PTGFR: variants seen among roughly 807,000 people sequenced by gnomAD.
PTGFR encodes the protein prostaglandin F2-alpha receptor.
In PTGFR, 15 loss-of-function variants were observed where a neutral mutation model predicts 26.2. The ratio of observed to expected loss-of-function variants is 0.57; its 90% CI spans 0.38 to 0.88. PTGFR has a LOEUF of 0.88. Among genes scored for constraint, PTGFR ranks in the 40% least tolerant of loss-of-function variants. PTGFR has a pLI of 0.00. For synonymous variants in PTGFR, 165 were observed against 151.1 expected (o/e 1.09, Z -0.68); for missense variants, 369 against 427.2 (o/e 0.86, Z 1.20).
intron 2 of PTGFR, among the ~76,000 whole-genome samples, chr1:78,508,213 A>G (rs1409534509): frequency 6.6e-6 from 1 of 151,994 alleles, no homozygotes; most frequent in African/African-American, 2.4e-5. Flanking sequence ...GAGCTTCTTG[A>G]TTTATTATTC....
chr1:78,527,080 T>G (rs1239392427), intron 2 of PTGFR, among the ~76,000 whole-genome samples: 1 of 152,116 alleles, frequency 6.6e-6, no homozygotes, highest in African/African-American at 2.4e-5. Flanking sequence ...GCAAATATAA[T>G]ACATGCTACT....
At chr1:78,527,763 C>T (rs1650406817) in intron 2 of PTGFR, among the ~76,000 whole-genome samples, 3 of 152,130 alleles carry the variant, frequency 2.0e-5, no homozygotes, top group South Asian at 4.1e-4. Context: ...ATGTGCCCAG[C>T]ACAGAGAGAA....
chr1:78,494,850 C>T (rs1043109572), intron 2 of PTGFR, among the ~76,000 whole-genome samples: 2 of 152,116 alleles, frequency 1.3e-5, no homozygotes. Context: ...GTAATCCTTC[C>T]GCCTCGGCCT....
At chr1:78,498,856 G>A (rs1268462879) in intron 2 of PTGFR, among the ~76,000 whole-genome samples, 2 of 152,110 alleles carry the variant, frequency 1.3e-5, no homozygotes, top group East Asian at 1.9e-4. Flanking sequence ...TTTGTGAAGC[G>A]TGAGTGTCCC....
Position 78,538,644 on chromosome 1 carries a change from C to T in PTGFR, c.*1957C>T, listed in dbSNP as rs1300186628. ...CACATCTGACTTAAGAGTTTCATTT[C>T]TGTTATTATATGTGTTGCATGTAGC... On this transcript the variant is annotated 3_prime_UTR_variant, in exon 3 of 3. Transcript: ENST00000370757. 6.6e-6 allele frequency: 1 copy of T among 151,866 alleles called. No homozygotes were observed. Among genetic ancestry groups the T allele is most frequent in the Non-Finnish European group, 1.5e-5 (1 of 67,952 alleles). 9.4% of individuals were successfully genotyped at this position (151,866 alleles called of 1,614,324 possible).
intron 2 of PTGFR, among the ~76,000 whole-genome samples, chr1:78,513,725 G>C (rs1048126640): frequency 1.3e-5 from 2 of 152,134 alleles, no homozygotes; most frequent in Non-Finnish European, 2.9e-5. Context: ...ATGGAAAAAA[G>C]GCCTGAAATC....
chr1:78,534,761 A>G (rs1351060285), intron 2 of PTGFR, among the ~76,000 whole-genome samples: 1 of 152,108 alleles, frequency 6.6e-6, no homozygotes, highest in African/African-American at 2.4e-5. Flanking sequence ...TTAAAAGGTT[A>G]ACACTGAATC....
In PTGFR at chr1:78,533,805, T is replaced by C. The variant is rs553163177; in HGVS notation, c.799-2601T>C. 7.2e-4 allele frequency among the ~76,000 whole-genome samples: 109 copies of C among 152,292 alleles called. 1 individual carries two copies. Among genetic ancestry groups the C allele is most frequent in the South Asian group, 4.6e-3 (22 of 4,824 alleles). ...TAGCAAACATGGGCTCTATTATCTA[T>C]GAGTAAAGTAGCCTGGCAGATTCAT... is the stretch of plus-strand genomic sequence containing the variant. On this transcript the variant is annotated intron_variant, in intron 2 of 2. Transcript: ENST00000370757.
intron 2 of PTGFR, among the ~76,000 whole-genome samples, chr1:78,507,774 C>T (rs1013332536): frequency 7.2e-5 from 11 of 152,066 alleles, no homozygotes; most frequent in Non-Finnish European, 1.5e-4. Flanking sequence ...TGATTGATTT[C>T]TAGATTGCTG....
chr1:78,532,184 A>G (rs1487927901), intron 2 of PTGFR: 1 of 404,442 alleles, frequency 2.5e-6, no homozygotes, highest in Non-Finnish European at 4.8e-6. Context: ...ACCACTTAGG[A>G]GTCTATAATA....
chr1:78,533,663 C>T (rs936630555), intron 2 of PTGFR, among the ~76,000 whole-genome samples: 2 of 152,136 alleles, frequency 1.3e-5, no homozygotes, highest in African/African-American at 4.8e-5. Context: ...GGAATGGAAG[C>T]ATAATTATCA....
At chr1:78,498,011 C>T in intron 2 of PTGFR, 1 of 1,185,012 alleles carries the variant, frequency 8.4e-7, no homozygotes, top group Non-Finnish European at 1.2e-6. Context: ...CCTAAGGTTA[C>T]TCTTATGCTA....
At chr1:78,500,774 T>A (rs2100356326) in intron 2 of PTGFR, among the ~76,000 whole-genome samples, 1 of 152,354 alleles carries the variant, frequency 6.6e-6, no homozygotes, top group South Asian at 2.1e-4. Context: ...CAGTGTTATT[T>A]GATAAATATA....
intron 2 of PTGFR, among the ~76,000 whole-genome samples, chr1:78,523,020 A>G (rs928257033): frequency 6.6e-6 from 1 of 152,082 alleles, no homozygotes; most frequent in Non-Finnish European, 1.5e-5. Flanking sequence ...ACTACATTAT[A>G]ATTATTTTCC....
chr1:78,525,017 G>A lies in PTGFR; in HGVS notation c.799-11389G>A, dbSNP rs75989873. On this transcript the variant is annotated intron_variant, in intron 2 of 2. Transcript: ENST00000370757. ...ACATAAATCCTCCAACTGCTTCTTA[G>A]TGGTATGAAAATAGTACCCCATCCC... 5.3e-3 allele frequency among the ~76,000 whole-genome samples: 733 copies of A among 139,242 alleles called. 1 individual carries two copies. The highest frequency in any genetic ancestry group is 0.019 in the African/African-American group (713 of 37,828). The allele number at this position is 139,242 out of a possible 152,430, so 91.3% of individuals were successfully genotyped here.
intron 2 of PTGFR, among the ~76,000 whole-genome samples, chr1:78,498,772 G>A (rs752604880): frequency 6.6e-6 from 1 of 152,110 alleles, no homozygotes; most frequent in Non-Finnish European, 1.5e-5. Flanking sequence ...TGGAATATAG[G>A]TCTTTCAGGT....
chr1:78,508,618 C>G (rs148009898), intron 2 of PTGFR, among the ~76,000 whole-genome samples: 1 of 152,288 alleles, frequency 6.6e-6, no homozygotes, highest in East Asian at 1.9e-4. Flanking sequence ...ATCTCTGATC[C>G]ACTCTCAACA....
rs12092193 is a variant in PTGFR, at chr1:78,501,520, G to A, written c.798+7979G>A. Reference sequence around the variant, plus strand: ...ATGCCATAGAAGAGTGAATACAATTGTGGTTTTACATAGGCAGGGAGGTGT... The same window carrying A: ...ATGCCATAGAAGAGTGAATACAATTATGGTTTTACATAGGCAGGGAGGTGT... On this transcript the variant is annotated intron_variant, in intron 2 of 2. Transcript: ENST00000370757. 2.9e-3 allele frequency among the ~76,000 whole-genome samples: 442 copies of A among 152,264 alleles called. 2 individuals carry two copies. The highest frequency in any genetic ancestry group is 0.01 in the African/African-American group (424 of 41,544).
chr1:78,513,524 T>C (rs532958544), intron 2 of PTGFR, among the ~76,000 whole-genome samples: 1 of 152,378 alleles, frequency 6.6e-6, no homozygotes, highest in East Asian at 1.9e-4. Context: ...TAACAACTTA[T>C]AATCAGATAG....
Sources: gnomAD v4.1 joint callset for allele counts (sites outside exome capture counted in the v4.1 genomes callset) on GRCh38, gnomAD v4.1.1 for gene constraint, MANE v1.5 for transcripts, NCBI Gene and HGNC (gene_info 2026-07-23, HGNC 2026-07-21) for gene names.